Variants in DZIP3 observed in about 807,000 individuals in gnomAD.
The protein encoded by DZIP3 is E3 ubiquitin-protein ligase DZIP3.
In DZIP3, 118 loss-of-function variants were observed where a neutral mutation model predicts 162.0. That is an observed-to-expected ratio of 0.73 (90% CI 0.63 to 0.85). DZIP3 has a LOEUF of 0.85. Ranked by LOEUF, DZIP3 falls within the 40% of genes least tolerant of loss-of-function variation. The pLI, the probability that DZIP3 is intolerant of heterozygous loss-of-function variation, is 0.00. For synonymous variants in DZIP3, 438 were observed against 458.6 expected (o/e 0.96, Z 0.57); for missense variants, 1,331 against 1,407.0 (o/e 0.95, Z 0.86).
chr3:108,621,801 G>C (rs1371640958), intron 5 of DZIP3, among the ~76,000 whole-genome samples: 1 of 152,140 alleles, frequency 6.6e-6, no homozygotes, highest in African/African-American at 2.4e-5. Context: ...AGAAATATTT[G>C]CATTCTCATG....
intron 22 of DZIP3, among the ~76,000 whole-genome samples, chr3:108,671,417 G>T (rs1943922749): frequency 6.6e-6 from 1 of 151,754 alleles, no homozygotes; most frequent in Non-Finnish European, 1.5e-5. Context: ...TTAGAATTTG[G>T]TTTGTATGCT....
chr3:108,640,276 C>T (rs1387718171), intron 12 of DZIP3, among the ~76,000 whole-genome samples: 1 of 150,290 alleles, frequency 6.7e-6, no homozygotes, highest in African/African-American at 2.5e-5. Flanking sequence ...TGATTATTTA[C>T]TTTTTCTATC....
intron 26 of DZIP3, among the ~76,000 whole-genome samples, chr3:108,677,883 A>C (rs1255701143): frequency 6.6e-6 from 1 of 152,018 alleles, no homozygotes; most frequent in Admixed American, 6.6e-5. Flanking sequence ...GTGGGAGCTA[A>C]ATAATGAATA....
intron 15 of DZIP3, 24 bp from the exon 16 acceptor site, chr3:108,647,919 G>T: frequency 6.8e-7 from 1 of 1,460,432 alleles, no homozygotes; most frequent in South Asian, 1.6e-5. Context: ...TCTAGATTTT[G>T]AGAATTTTGT....
chr3:108,636,552 TATA>T (rs1405945680), intron 10 of DZIP3, 61 bp from the exon 11 acceptor site: 1 of 1,062,816 alleles, frequency 9.4e-7, no homozygotes, highest in Non-Finnish European at 1.3e-6. Context: ...TTTATTTAAA[TATA>T]ATCAGATTTG....
intron 26 of DZIP3, among the ~76,000 whole-genome samples, chr3:108,681,220 C>T (rs934336965): frequency 3.9e-5 from 6 of 152,024 alleles, no homozygotes; most frequent in Admixed American, 1.3e-4. Context: ...CTACAAAGAA[C>T]TTAAACAAAT....
intron 1 of DZIP3, among the ~76,000 whole-genome samples, chr3:108,593,086 CT>C (rs1939518963): frequency 6.6e-6 from 1 of 152,166 alleles, no homozygotes; most frequent in African/African-American, 2.4e-5. Context: ...TAAAAAATGT[CT>C]GCCAAAAATT....
chr3:108,611,165 G>A lies in DZIP3; in HGVS notation c.103-9G>A. 2 of 1,566,372 alleles carry A rather than the reference G, an allele frequency of 1.3e-6. No individual in the cohort carries two copies. The highest frequency in any genetic ancestry group is 1.7e-6 in the Non-Finnish European group (2 of 1,164,268). On this transcript the variant is annotated splice_polypyrimidine_tract_variant and intron_variant, in intron 3 of 32. Transcript: ENST00000361582. ...ACTGTGTAAATTTTTAATCAATAAT[G>A]TCTTCTAGAACAAACAGGAAAATGA...
At chr3:108,593,330 G>A (rs1359276946) in intron 1 of DZIP3, among the ~76,000 whole-genome samples, 1 of 152,150 alleles carries the variant, frequency 6.6e-6, no homozygotes, top group Non-Finnish European at 1.5e-5. Flanking sequence ...GATAGGAAGG[G>A]GAAGTAATTT....
chr3:108,692,649 A>T (rs1469165159), intron 32 of DZIP3, among the ~76,000 whole-genome samples: 1 of 152,128 alleles, frequency 6.6e-6, no homozygotes, highest in Non-Finnish European at 1.5e-5. Context: ...AATGGTTTAC[A>T]TCAGAATCAC....
At chr3:108,611,694 A>G (rs1405649004) in intron 4 of DZIP3, among the ~76,000 whole-genome samples, 1 of 152,152 alleles carries the variant, frequency 6.6e-6, no homozygotes, top group Non-Finnish European at 1.5e-5. Flanking sequence ...GGCCAGGCAC[A>G]GTGGCTCACG....
At chr3:108,645,287 A>AATT (rs1942575017) in intron 14 of DZIP3, among the ~76,000 whole-genome samples, 1 of 152,208 alleles carries the variant, frequency 6.6e-6, no homozygotes, top group Non-Finnish European at 1.5e-5. Context: ...CAAAATTAAT[A>AATT]AAGTTTAAAA....
At chr3:108,646,802 G>C (rs1362986758) in intron 15 of DZIP3, among the ~76,000 whole-genome samples, 153 bp downstream of exon 15, 1 of 152,184 alleles carries the variant, frequency 6.6e-6, no homozygotes. Context: ...CTGTACTTTG[G>C]GAGGCTGAGG....
intron 8 of DZIP3, among the ~76,000 whole-genome samples, chr3:108,631,897 T>C (rs1421086548): frequency 1.3e-5 from 2 of 151,916 alleles, no homozygotes; most frequent in Non-Finnish European, 2.9e-5. Context: ...AATATTTTCT[T>C]AATTTTCTCT....
rs1943468619 is a variant in DZIP3 at position 108,662,152 on chromosome 3, C to G, written c.2318C>G (p.Thr773Arg). 6.2e-7 allele frequency: 1 copy of G among 1,606,624 alleles called. No individual in the cohort carries two copies. Among genetic ancestry groups the G allele is most frequent in the Non-Finnish European group, 8.5e-7 (1 of 1,178,110 alleles). ...CAGGATTTCAAAAGACAGTTGAGAA[C>G]AGTGACTTTTCGGTGGCAAGAAAAC... Reference protein sequence around the residue: ...QCEDFKRQLRTVTFRWQENQM... With the variant: ...QCEDFKRQLRRVTFRWQENQM... The change falls in exon 21 of 33, where the codon ACA (threonine) becomes AGA (arginine). Residue 773 changes from threonine (T) to arginine (R), a missense_variant. Coordinates refer to ENST00000361582, the MANE Select transcript of DZIP3 (RefSeq NM_014648.4).
intron 19 of DZIP3, among the ~76,000 whole-genome samples, chr3:108,655,081 G>A (rs920223314): frequency 5.3e-5 from 8 of 152,050 alleles, no homozygotes; most frequent in Admixed American, 4.6e-4. Flanking sequence ...AGCTTTGGAT[G>A]TCACACTACA....
intron 1 of DZIP3, among the ~76,000 whole-genome samples, chr3:108,604,716 T>G (rs934722137): frequency 1.3e-5 from 2 of 152,174 alleles, no homozygotes; most frequent in Admixed American, 6.5e-5. Context: ...TACATGTTAT[T>G]TGTAGACTAA....
At chr3:108,631,055 A>ACACACACACACACACACACCCTCTCT in intron 8 of DZIP3, among the ~76,000 whole-genome samples, 1 of 18,006 alleles carries the variant, frequency 5.6e-5, no homozygotes. Context: ...ACACACACAC[A>ACACACACACACACACACACCCTCTCT]CTCTCTCTCT....
chr3:108,651,016 T>C (rs1942837696), intron 17 of DZIP3, 121 bp from the exon 18 acceptor site: 1 of 303,212 alleles, frequency 3.3e-6, no homozygotes, highest in Non-Finnish European at 5.8e-6. Context: ...CATCATGATA[T>C]ATATTTCTTT....
Sources: allele counts gnomAD v4.1 joint callset (sites outside exome capture counted in the v4.1 genomes callset), GRCh38; gene constraint gnomAD v4.1.1; transcripts MANE v1.5; gene names NCBI Gene and HGNC (gene_info 2026-07-23, HGNC 2026-07-21).